MACROD2: variants seen among roughly 807,000 people sequenced by gnomAD.
The protein encoded by MACROD2 is mono-ADP ribosylhydrolase 2, also known as ADP-ribose glycohydrolase MACROD2.
Under a neutral mutation model 70.4 loss-of-function variants are expected in MACROD2, and 36 were observed. The ratio of observed to expected loss-of-function variants is 0.51; its 90% CI spans 0.39 to 0.68. The LOEUF (loss-of-function observed/expected upper bound fraction) is 0.68, where lower values mean the gene tolerates loss of function less well. Ranked by LOEUF, MACROD2 falls within the 30% of genes least tolerant of loss-of-function variation. The pLI is 0.00. For synonymous variants in MACROD2, 172 were observed against 178.8 expected (o/e 0.96, Z 0.30); for missense variants, 496 against 538.4 (o/e 0.92, Z 0.78).
chr20:15,622,753 T>G (rs1043638748), intron 8 of MACROD2, among the ~76,000 whole-genome samples: 12 of 152,356 alleles, frequency 7.9e-5, no homozygotes, highest in African/African-American at 2.9e-4. Context: ...CACAGTACAA[T>G]AAGGTATTTT....
At chr20:15,754,683 C>CTTT (rs536927554) in intron 8 of MACROD2, among the ~76,000 whole-genome samples, 1,731 of 132,720 alleles carry the variant, frequency 0.013, 32 homozygotes, top group East Asian at 0.099. Flanking sequence ...TCTATTCAAT[C>CTTT]TTTTTTTTTT....
rs190487572 is a variant in MACROD2, at chr20:15,109,603, G to A, written c.419-120337G>A. Reference sequence around the variant, plus strand: ...TGAAATAAATGGCAGAATTCACAGTGCTAAGGTAGGGGATTAGAAAAAGCA... The same window carrying A: ...TGAAATAAATGGCAGAATTCACAGTACTAAGGTAGGGGATTAGAAAAAGCA... On this transcript the variant is annotated intron_variant, in intron 5 of 17. Coordinates refer to ENST00000684519, the MANE Select transcript of MACROD2 (RefSeq NM_001351661.2). 5.6e-3 allele frequency among the ~76,000 whole-genome samples: 857 copies of A among 152,270 alleles called. 4 individuals are homozygous for A. Among genetic ancestry groups the A allele is most frequent in the Non-Finnish European group, 9.5e-3 (647 of 68,024 alleles).
intron 10 of MACROD2, among the ~76,000 whole-genome samples, chr20:15,912,519 G>A (rs912591635): frequency 6.6e-6 from 1 of 152,202 alleles, no homozygotes; most frequent in Non-Finnish European, 1.5e-5. Context: ...TAGTTCTTAG[G>A]AGGCTGAACC....
At chr20:15,995,099 ACT>A (rs913467738) in intron 15 of MACROD2, among the ~76,000 whole-genome samples, 6 of 152,046 alleles carry the variant, frequency 3.9e-5, no homozygotes, top group Admixed American at 3.3e-4. Context: ...TTTTCTACTA[ACT>A]CTAATGACTA....
chr20:14,092,438 C>T (rs1163817506), intron 3 of MACROD2, among the ~76,000 whole-genome samples: 1 of 152,066 alleles, frequency 6.6e-6, no homozygotes, highest in Non-Finnish European at 1.5e-5. Flanking sequence ...ATACTACAGC[C>T]CACATCCAAA....
intron 3 of MACROD2, among the ~76,000 whole-genome samples, chr20:14,384,369 A>G (rs1295586939): frequency 6.6e-6 from 1 of 152,166 alleles, no homozygotes; most frequent in Non-Finnish European, 1.5e-5. Context: ...TGGAAAATCA[A>G]CACTTTTAAA....
At chr20:15,888,561 A>C (rs938778609) in intron 10 of MACROD2, among the ~76,000 whole-genome samples, 1 of 152,186 alleles carries the variant, frequency 6.6e-6, no homozygotes, top group Admixed American at 6.6e-5. Context: ...TTTTAAGGAA[A>C]TCATTATTAA....
intron 5 of MACROD2, among the ~76,000 whole-genome samples, chr20:14,744,906 A>AG (rs2123725971): frequency 6.6e-6 from 1 of 152,288 alleles, no homozygotes; most frequent in East Asian, 1.9e-4. Flanking sequence ...CAAAATCAGA[A>AG]GTAAGAAACG....
intron 5 of MACROD2, among the ~76,000 whole-genome samples, chr20:15,061,460 A>C (rs2123080879): frequency 6.6e-6 from 1 of 152,268 alleles, no homozygotes; most frequent in Admixed American, 6.5e-5. Context: ...AGTAGCCTGC[A>C]GTGGTAATGC....
At chr20:14,777,846 A>G (rs564934093) in intron 5 of MACROD2, among the ~76,000 whole-genome samples, 4 of 152,224 alleles carry the variant, frequency 2.6e-5, no homozygotes, top group African/African-American at 9.6e-5. Flanking sequence ...GTGGCCTTCA[A>G]TTTTAGCAAT....
chr20:14,735,059 C>T (rs1404648872), intron 5 of MACROD2, among the ~76,000 whole-genome samples: 1 of 152,070 alleles, frequency 6.6e-6, no homozygotes, highest in African/African-American at 2.4e-5. Context: ...AGTAAGTCTT[C>T]ATGACTTAGA....
intron 8 of MACROD2, among the ~76,000 whole-genome samples, chr20:15,669,194 C>T (rs1034939964): frequency 2.6e-5 from 4 of 152,184 alleles, no homozygotes; most frequent in African/African-American, 9.7e-5. Flanking sequence ...TACACGGGTG[C>T]AATGAGGTCA....
chr20:15,209,149 T>A (rs545783736), intron 5 of MACROD2, among the ~76,000 whole-genome samples: 3 of 100,190 alleles, frequency 3.0e-5, no homozygotes, highest in East Asian at 2.2e-4. Flanking sequence ...TTATTTATTT[T>A]TTAGTCTGCT....
chr20:15,627,713 A>T (rs1568938117), intron 8 of MACROD2, among the ~76,000 whole-genome samples: 2 of 152,206 alleles, frequency 1.3e-5, no homozygotes, highest in Admixed American at 6.5e-5. Context: ...GCCAGTCTAC[A>T]ATAGTGATGT....
At chr20:14,259,529 T>C (rs2082085174) in intron 3 of MACROD2, among the ~76,000 whole-genome samples, 1 of 152,178 alleles carries the variant, frequency 6.6e-6, no homozygotes, top group South Asian at 2.1e-4. Context: ...TTAGTTTCAA[T>C]GTAACTGGTA....
chr20:15,759,704 G>T (rs1215317932), intron 8 of MACROD2, among the ~76,000 whole-genome samples: 1 of 152,176 alleles, frequency 6.6e-6, no homozygotes, highest in Non-Finnish European at 1.5e-5. Context: ...GCACTATTGC[G>T]ACGTAGACTA....
intron 8 of MACROD2, among the ~76,000 whole-genome samples, chr20:15,681,465 A>T (rs2050159242): frequency 6.6e-6 from 1 of 152,214 alleles, no homozygotes; most frequent in Non-Finnish European, 1.5e-5. Context: ...CTGACATTGT[A>T]GCTCTTTGGT....
intron 3 of MACROD2, among the ~76,000 whole-genome samples, chr20:14,106,051 G>A (rs1326647304): frequency 6.6e-6 from 1 of 152,194 alleles, no homozygotes; most frequent in Admixed American, 6.5e-5. Flanking sequence ...AGCTGTGGTG[G>A]CTATGGTGAA....
intron 8 of MACROD2, among the ~76,000 whole-genome samples, chr20:15,600,916 G>A (rs1300966454): frequency 2.0e-5 from 3 of 152,156 alleles, no homozygotes; most frequent in Admixed American, 2.0e-4. Flanking sequence ...ACAGAGTCCA[G>A]TTCTTACAAC....
Sources: allele counts gnomAD v4.1 joint callset (sites outside exome capture counted in the v4.1 genomes callset), GRCh38; gene constraint gnomAD v4.1.1; transcripts MANE v1.5; gene names NCBI Gene and HGNC (gene_info 2026-07-23, HGNC 2026-07-21).